Variants in LARGE1 observed in about 807,000 individuals in gnomAD.
The protein encoded by LARGE1 is LARGE xylosyl- and glucuronyltransferase 1, also known as xylosyl- and glucuronyltransferase LARGE1.
Under a neutral mutation model 87.6 loss-of-function variants are expected in LARGE1, and 43 were observed. That is an observed-to-expected ratio of 0.49 (90% CI 0.38 to 0.63). The LOEUF (loss-of-function observed/expected upper bound fraction) is 0.63, where lower values mean the gene tolerates loss of function less well. LARGE1 is among the 30% of genes least tolerant of loss of function. The pLI is 0.00. For missense variants in LARGE1, 802 were observed against 1,000.2 expected (o/e 0.80, Z 2.67); for synonymous variants, 434 against 394.6 (o/e 1.10, Z -1.18).
chr22:33,093,979 C>T, the LARGE1 span, among the ~76,000 whole-genome samples: 3 of 151,682 alleles, frequency 2.0e-5, no homozygotes, highest in Non-Finnish European at 2.9e-5. Context: ...CTCAAAGTCC[C>T]GACCTCAGGT....
At chr22:33,658,596 T>C (rs900704332) in intron 2 of LARGE1, among the ~76,000 whole-genome samples, 17 of 152,216 alleles carry the variant, frequency 1.1e-4, no homozygotes, top group Admixed American at 3.9e-4. Context: ...GCTTCATCCA[T>C]GTTCATGCAA....
At chr22:33,381,101 C>T (rs2065140654) in intron 9 of LARGE1, among the ~76,000 whole-genome samples, 1 of 152,218 alleles carries the variant, frequency 6.6e-6, no homozygotes, top group South Asian at 2.1e-4. Context: ...TGAGAAAACA[C>T]CATACTGGCT....
chr22:33,331,730 T>TCA (rs1254140773), intron 10 of LARGE1, among the ~76,000 whole-genome samples: 1 of 152,142 alleles, frequency 6.6e-6, no homozygotes, highest in Non-Finnish European at 1.5e-5. Flanking sequence ...TTTATAGTTC[T>TCA]CACACTGACT....
chr22:33,860,925 G>A (rs577525441), intron 1 of LARGE1, among the ~76,000 whole-genome samples: 34 of 152,222 alleles, frequency 2.2e-4, no homozygotes, highest in Admixed American at 6.5e-4. Flanking sequence ...CCACAACCAC[G>A]ACCCTTGCCC....
chr22:33,454,924 G>A (rs1217542496), intron 6 of LARGE1, among the ~76,000 whole-genome samples: 2 of 152,130 alleles, frequency 1.3e-5, no homozygotes, highest in Non-Finnish European at 2.9e-5. Context: ...CTCCTACCAG[G>A]CCCTACCTCC....
At chr22:33,651,665 C>A (rs766504188) in intron 2 of LARGE1, among the ~76,000 whole-genome samples, 6 of 152,138 alleles carry the variant, frequency 3.9e-5, no homozygotes, top group Non-Finnish European at 8.8e-5. Flanking sequence ...TAGGCAAAGG[C>A]GGGTCTTACC....
chr22:33,773,485 G>GT (rs529738134), intron 1 of LARGE1, among the ~76,000 whole-genome samples: 2 of 151,982 alleles, frequency 1.3e-5, no homozygotes, highest in African/African-American at 4.8e-5. Flanking sequence ...CGGGGCAGTG[G>GT]CCCCCTGAGG....
At chr22:33,731,674 T>C (rs908869161) in intron 2 of LARGE1, among the ~76,000 whole-genome samples, 3 of 152,154 alleles carry the variant, frequency 2.0e-5, no homozygotes, top group Non-Finnish European at 4.4e-5. Flanking sequence ...TACTGTATCG[T>C]AGACTTCGAA....
At chr22:33,808,264 C>A (rs5749670) in intron 1 of LARGE1, among the ~76,000 whole-genome samples, 30,961 of 152,232 alleles carry the variant, frequency 0.2, 4,101 homozygotes, top group East Asian at 0.39. Flanking sequence ...CGACATGGAG[C>A]ATCTTTTCAT....
intron 12 of LARGE1, among the ~76,000 whole-genome samples, chr22:33,292,108 CACAA>C (rs998179330): frequency 9.9e-5 from 15 of 151,954 alleles, no homozygotes; most frequent in Non-Finnish European, 1.9e-4. Context: ...CAAAAACAAA[CACAA>C]ACAAACAAAA....
chr22:33,604,548 G>C lies in LARGE1; in HGVS notation c.502C>G (p.Leu168Val). The C allele has an allele frequency of 6.2e-7, 1 of 1,614,168 alleles. No individual in the cohort carries two copies. Among genetic ancestry groups the C allele is most frequent in the Non-Finnish European group, 8.5e-7 (1 of 1,180,002 alleles). Residue 168 changes from leucine (L) to valine (V), a missense_variant, in exon 5 of 15, where the codon CTG (leucine) becomes GTG (valine). Physicochemically the swap from Leu to Val is conservative, Grantham distance 32. Around this residue, in one of 2 missense-constraint regions of LARGE1, gnomAD observed 625 missense variants for 841.9 expected, o/e 0.74. Coordinates refer to ENST00000397394, the MANE Select transcript of LARGE1 (RefSeq NM_133642.5). ...GAGTCAGCAATAAGGTGGAAGTGCA[G>C]AGGGTTCCGTCTGTGGGGAGTGTGA... ...KSVLFHRRNP[L>V]HFHLIADSIA...
At chr22:33,179,835 C>T (rs1240871345) in intron 11 of LARGE1, among the ~76,000 whole-genome samples, 4 of 152,120 alleles carry the variant, frequency 2.6e-5, no homozygotes, top group Non-Finnish European at 4.4e-5. Context: ...TCCCCTGCTA[C>T]GGTTTGAATG....
intron 9 of LARGE1, among the ~76,000 whole-genome samples, chr22:33,338,360 C>T (rs184571585): frequency 3.0e-4 from 45 of 152,242 alleles, no homozygotes; most frequent in African/African-American, 1.0e-3. Flanking sequence ...ACTCAGAACA[C>T]GCTTCGCTGT....
chr22:33,579,382 C>A (rs552211335), intron 5 of LARGE1, among the ~76,000 whole-genome samples: 75 of 152,330 alleles, frequency 4.9e-4, no homozygotes, highest in African/African-American at 1.8e-3. Flanking sequence ...CCAGTTAAAT[C>A]TCTTTCTTTT....
At chr22:33,734,152 C>G (rs1329795408) in intron 2 of LARGE1, among the ~76,000 whole-genome samples, 5 of 152,192 alleles carry the variant, frequency 3.3e-5, no homozygotes, top group Non-Finnish European at 7.3e-5. Flanking sequence ...AATTTCCCCT[C>G]TGCACAAGGA....
At chr22:33,283,102 C>T (rs1930777864) in intron 13 of LARGE1, 100 bp downstream of exon 13, 4 of 1,473,164 alleles carry the variant, frequency 2.7e-6, no homozygotes, top group East Asian at 2.3e-5. Context: ...TGGACTAAGG[C>T]GAGCGACAAA....
intron 1 of LARGE1, among the ~76,000 whole-genome samples, chr22:33,844,156 G>A (rs1049548947): frequency 3.3e-5 from 5 of 151,900 alleles, no homozygotes; most frequent in Non-Finnish European, 5.9e-5. Context: ...GTGTTCCACA[G>A]TGTCCCTAAC....
At chr22:33,315,012 A>T (rs1350206594) in intron 11 of LARGE1, among the ~76,000 whole-genome samples, 1 of 152,172 alleles carries the variant, frequency 6.6e-6, no homozygotes, top group Non-Finnish European at 1.5e-5. Context: ...GATCGAGACT[A>T]TCCAGGCCAA....
intron 2 of LARGE1, among the ~76,000 whole-genome samples, chr22:33,684,811 C>A (rs536737868): frequency 2.3e-4 from 35 of 152,216 alleles, no homozygotes; most frequent in African/African-American, 8.4e-4. Flanking sequence ...GGGTGTGTGG[C>A]CTAGGAATCT....
Sources: allele counts gnomAD v4.1 joint callset (sites outside exome capture counted in the v4.1 genomes callset), GRCh38; gene constraint gnomAD v4.1.1; regional missense constraint gnomAD v4.1.1; transcripts MANE v1.5; gene names NCBI Gene and HGNC (gene_info 2026-07-23, HGNC 2026-07-21).